SNTB2: variants seen among roughly 807,000 people sequenced by gnomAD.
SNTB2 encodes the protein beta-2-syntrophin.
Under a neutral mutation model 46.2 loss-of-function variants are expected in SNTB2, and 34 were observed. The observed-to-expected ratio is 0.74, with a 90% CI of 0.56 to 0.98. SNTB2 has a LOEUF of 0.98. SNTB2 is among the 50% of genes least tolerant of loss of function. The pLI is 0.00. For missense variants in SNTB2, 603 were observed against 731.4 expected (o/e 0.82, Z 2.02); for synonymous variants, 290 against 312.6 (o/e 0.93, Z 0.76).
intron 2 of SNTB2, among the ~76,000 whole-genome samples, chr16:69,250,890 G>T (rs1029035529): frequency 6.6e-6 from 1 of 150,910 alleles, no homozygotes; most frequent in Non-Finnish European, 1.5e-5. Flanking sequence ...GTCTCAAAAA[G>T]AAATAAAAAT....
At chr16:69,198,977 A>G (rs540412617) in intron 1 of SNTB2, among the ~76,000 whole-genome samples, 3 of 151,094 alleles carry the variant, frequency 2.0e-5, no homozygotes, top group Admixed American at 1.3e-4. Flanking sequence ...GCTCACTGCA[A>G]CCTCTGCCTC....
chr16:69,299,566 A>C (rs1965259881), intron 5 of SNTB2, 24 bp from the exon 6 acceptor site: 1 of 1,606,556 alleles, frequency 6.2e-7, no homozygotes, highest in Admixed American at 1.7e-5. Flanking sequence ...TTTACAACTA[A>C]TGTTTTTTGC....
At chr16:69,269,785 T>C (rs75393856) in intron 3 of SNTB2, among the ~76,000 whole-genome samples, 2,221 of 151,986 alleles carry the variant, frequency 0.015, 62 homozygotes, top group African/African-American at 0.052. Context: ...TTAATCAGAA[T>C]TGACAATATT....
At chr16:69,258,350 A>G (rs565566897) in intron 2 of SNTB2, among the ~76,000 whole-genome samples, 3 of 152,254 alleles carry the variant, frequency 2.0e-5, no homozygotes, top group Admixed American at 1.3e-4. Context: ...ACTTTGATTG[A>G]AACACAAAAC....
intron 5 of SNTB2, among the ~76,000 whole-genome samples, chr16:69,297,430 C>A (rs892727230): frequency 6.7e-5 from 10 of 150,362 alleles, no homozygotes; most frequent in African/African-American, 2.2e-4. Context: ...CCAGCCTGAC[C>A]AACATGGTGA....
intron 3 of SNTB2, among the ~76,000 whole-genome samples, chr16:69,267,843 G>A (rs1016012383): frequency 6.6e-5 from 10 of 152,164 alleles, no homozygotes; most frequent in Non-Finnish European, 1.0e-4. Flanking sequence ...AGGAAAACAC[G>A]TGAAAAGGGC....
At chr16:69,225,118 G>C (rs936893283) in intron 1 of SNTB2, among the ~76,000 whole-genome samples, 1 of 152,104 alleles carries the variant, frequency 6.6e-6, no homozygotes, top group African/African-American at 2.4e-5. Flanking sequence ...AACAATGAAG[G>C]CCTGGCAGTA....
intron 1 of SNTB2, among the ~76,000 whole-genome samples, chr16:69,210,019 A>ATTTTT (rs137973730): frequency 3.3e-5 from 4 of 122,164 alleles, no homozygotes; most frequent in African/African-American, 6.2e-5. Context: ...TTGTTATTTA[A>ATTTTT]TTTTTTTTTT....
intron 1 of SNTB2, among the ~76,000 whole-genome samples, chr16:69,238,452 C>T (rs1019036544): frequency 2.0e-5 from 3 of 152,158 alleles, no homozygotes; most frequent in African/African-American, 4.8e-5. Flanking sequence ...TATTAAATCC[C>T]TTACTATCGT....
At chr16:69,225,723 G>A (rs930839042) in intron 1 of SNTB2, among the ~76,000 whole-genome samples, 39 of 152,160 alleles carry the variant, frequency 2.6e-4, no homozygotes, top group Admixed American at 2.5e-3. Context: ...AAAGATCCAC[G>A]TGCTTTGCAC....
chr16:69,288,684 T>C lies in SNTB2; in HGVS notation c.1345+4440T>C, dbSNP rs115008706. ...ACTGTATGATCTAGCAATCCTACTA[T>C]TGAGTATTTATCCAAAAGAAGAGAA... On this transcript the variant is annotated intron_variant, in intron 5 of 6. Coordinates refer to ENST00000336278, the MANE Select transcript of SNTB2 (RefSeq NM_006750.4). 3.7e-3 allele frequency among the ~76,000 whole-genome samples: 556 copies of C among 152,252 alleles called. 7 individuals are homozygous for C. The highest frequency in any genetic ancestry group is 0.013 in the African/African-American group (539 of 41,538).
At chr16:69,292,417 ATT>A (rs1491436984) in intron 5 of SNTB2, among the ~76,000 whole-genome samples, 326 of 17,346 alleles carry the variant, frequency 0.019, 73 homozygotes, top group African/African-American at 0.14. Context: ...TTATATATAT[ATT>A]ATATATATAT....
intron 1 of SNTB2, among the ~76,000 whole-genome samples, chr16:69,236,823 G>C (rs2152295700): frequency 6.6e-6 from 1 of 152,264 alleles, no homozygotes; most frequent in South Asian, 2.1e-4. Flanking sequence ...GTAGCGGGTA[G>C]GGACAGAGAG....
intron 1 of SNTB2, among the ~76,000 whole-genome samples, chr16:69,199,961 C>T (rs191223912): frequency 1.3e-5 from 2 of 152,002 alleles, no homozygotes; most frequent in African/African-American, 4.8e-5. Context: ...GTCGCCCAGG[C>T]TGGAGTGCAG....
chr16:69,271,365 TA>T (rs950661081), intron 4 of SNTB2, among the ~76,000 whole-genome samples: 8 of 152,188 alleles, frequency 5.3e-5, no homozygotes, highest in African/African-American at 1.9e-4. Context: ...GTTTCTCTTT[TA>T]AAAAAATAAG....
chr16:69,260,705 A>G (rs918598912), intron 3 of SNTB2, among the ~76,000 whole-genome samples: 1 of 152,244 alleles, frequency 6.6e-6, no homozygotes, highest in Non-Finnish European at 1.5e-5. Flanking sequence ...TACAAAGACA[A>G]GTAAACTGGT....
At chr16:69,206,787 CAG>C (rs1162197344) in intron 1 of SNTB2, among the ~76,000 whole-genome samples, 2 of 150,906 alleles carry the variant, frequency 1.3e-5, no homozygotes, top group Non-Finnish European at 2.9e-5. Context: ...TTTTTTGAGA[CAG>C]AGTTTTGCTC....
At chr16:69,272,720 C>T (rs1262083436) in intron 4 of SNTB2, among the ~76,000 whole-genome samples, 2 of 150,816 alleles carry the variant, frequency 1.3e-5, no homozygotes, top group Middle Eastern at 3.4e-3. Flanking sequence ...GGTGAAACCC[C>T]GTCCCTACTA....
intron 1 of SNTB2, among the ~76,000 whole-genome samples, chr16:69,242,627 A>G (rs373526837): frequency 6.6e-6 from 1 of 152,300 alleles, no homozygotes; most frequent in Non-Finnish European, 1.5e-5. Context: ...TTACAGGTAC[A>G]TGTGTGCAGT....
Sources: gnomAD v4.1 joint callset for allele counts (sites outside exome capture counted in the v4.1 genomes callset) on GRCh38, gnomAD v4.1.1 for gene constraint, MANE v1.5 for transcripts, NCBI Gene and HGNC (gene_info 2026-07-23, HGNC 2026-07-21) for gene names.